The following LIPJ variants were observed in gnomAD, a reference collection of about 807,000 sequenced individuals.
LIPJ encodes lipase member J.
In LIPJ, 33 loss-of-function variants were observed where a neutral mutation model predicts 39.8. That is an observed-to-expected ratio of 0.83 (90% CI 0.63 to 1.11). The LOEUF is 1.11. LIPJ is among the 50% of genes least tolerant of loss of function. The pLI is 0.00. For synonymous variants in LIPJ, 128 were observed against 139.2 expected, an observed-to-expected ratio of 0.92 and a Z score of 0.57; for missense variants, 422 against 427.9, an observed-to-expected ratio of 0.99 and a Z score of 0.12.
rs553658489 is a variant in LIPJ, at chr10:88,595,692, A to G, written c.440-588A>G. Among the ~76,000 whole-genome samples, 9 of 151,676 alleles carry G rather than the reference A, an allele frequency of 5.9e-5. No individual in the cohort carries two copies. The South Asian group carries it at 6.2e-4, about 10-fold the overall frequency. On this transcript the variant is annotated intron_variant, in intron 6 of 10. Coordinates refer to ENST00000371939, the Ensembl canonical transcript of LIPJ. ...TTCTTTGGCTGTTTGGCTTCTCAGA[A>G]CCTGACCTAAATAAATAAATAATAA...
chr10:88,583,933 T>C (rs1291445692), upstream of LIPJ: 2 of 166,426 alleles, frequency 1.2e-5, no homozygotes, highest in Non-Finnish European at 2.5e-5. Flanking sequence ...AAGAGAAGGA[T>C]TGGTGCCATT....
At chr10:88,609,139 G>C (rs1230857962), downstream of LIPJ, among the ~76,000 whole-genome samples, 2 of 152,136 alleles carry the variant, frequency 1.3e-5, no homozygotes, top group South Asian at 2.1e-4. Context: ...CCAATTCTTT[G>C]TTCAAAATGC....
At chr10:88,608,360 A>C (rs1463727863), downstream of LIPJ, among the ~76,000 whole-genome samples, 2 of 152,242 alleles carry the variant, frequency 1.3e-5, no homozygotes, top group African/African-American at 2.4e-5. Context: ...CAGGGCCAGG[A>C]AATATATGGG....
At position 88,606,704 on chromosome 10, in the gene LIPJ, A is replaced by G. The variant is rs748969137; in HGVS notation, c.898A>G (p.Met300Val). The change falls in exon 11 of 11, where the codon ATG (methionine) becomes GTG (valine). Residue 300 changes from methionine (M) to valine (V), a missense_variant. Met to Val is a conservative substitution (Grantham distance 21). Coordinates refer to ENST00000371939, the Ensembl canonical transcript of LIPJ. Reference sequence around the variant, plus strand: ...GTCTCCATTATACAACATGACAAACATGAATGTGGCAACTGCAATTTGGAA... The same window carrying G: ...GTCTCCATTATACAACATGACAAACGTGAATGTGGCAACTGCAATTTGGAA... 9.3e-6 allele frequency: 15 copies of G among 1,612,840 alleles called. No homozygotes were observed. In the African/African-American group the frequency reaches 1.7e-4, roughly 19 times the overall value.
At chr10:88,592,156 C>A (rs1441214302) in intron 4 of LIPJ, 2 of 151,794 alleles carry the variant, frequency 1.3e-5, no homozygotes, top group African/African-American at 4.8e-5. Context: ...TAGAATGTTT[C>A]TTATATTATA....
At chr10:88,609,586 C>T (rs1851725209), downstream of LIPJ, among the ~76,000 whole-genome samples, 1 of 152,080 alleles carries the variant, frequency 6.6e-6, no homozygotes, top group Admixed American at 6.6e-5. Flanking sequence ...GCTAAAAACA[C>T]AATGAAGAAT....
intron 9 of LIPJ, among the ~76,000 whole-genome samples, chr10:88,604,147 A>G (rs1453739370): frequency 2.0e-5 from 3 of 152,232 alleles, no homozygotes; most frequent in Non-Finnish European, 2.9e-5. Context: ...AAGAGTAGGG[A>G]AAAGGTATTA....
chr10:88,583,676 A>G, upstream of LIPJ: 1 of 988,236 alleles, frequency 1.0e-6, no homozygotes, highest in Non-Finnish European at 1.2e-6. Context: ...CTAATGCTTG[A>G]ACGGCCACTA....
At chr10:88,601,776 C>T (rs541641289) in intron 8 of LIPJ, among the ~76,000 whole-genome samples, 2 of 152,278 alleles carry the variant, frequency 1.3e-5, no homozygotes, top group South Asian at 4.1e-4. Context: ...CTTGTTCTTA[C>T]ATGATACCTC....
upstream of LIPJ, among the ~76,000 whole-genome samples, chr10:88,584,685 C>T (rs1373241077): frequency 6.6e-6 from 1 of 152,150 alleles, no homozygotes; most frequent in Non-Finnish European, 1.5e-5. Context: ...GCAGCCTTGA[C>T]CTCTTAGGCT....
chr10:88,620,669 G>A, the LIPJ span, among the ~76,000 whole-genome samples: 1 of 152,178 alleles, frequency 6.6e-6, no homozygotes, highest in African/African-American at 2.4e-5. Context: ...ATGCATAGCA[G>A]CTGGAGCTCT....
At chr10:88,615,497 G>A in the LIPJ span, among the ~76,000 whole-genome samples, 1 of 151,462 alleles carries the variant, frequency 6.6e-6, no homozygotes, top group South Asian at 2.1e-4. Context: ...AGATTGCAGT[G>A]AGCCAAGATT....
chr10:88,583,646 T>G, upstream of LIPJ: 1 of 988,180 alleles, frequency 1.0e-6, no homozygotes, highest in Non-Finnish European at 1.2e-6. Flanking sequence ...TTACCAGCGA[T>G]ACCACGGGCA....
chr10:88,593,690 C>A (rs770210888), intron 4 of LIPJ: 8 of 301,048 alleles, frequency 2.7e-5, no homozygotes, highest in South Asian at 1.0e-4. Flanking sequence ...TTATTATTTT[C>A]TCTCAGTAAA....
At chr10:88,613,816 GTATATATA>G in the LIPJ span, among the ~76,000 whole-genome samples, 2 of 69,660 alleles carry the variant, frequency 2.9e-5, no homozygotes, top group African/African-American at 5.4e-5. Context: ...GTGTGTGTGT[GTATATATA>G]TATATGTGTG....
chr10:88,605,645 A>T, exon 10 of LIPJ: 1 of 1,608,702 alleles, frequency 6.2e-7, no homozygotes, highest in Non-Finnish European at 8.5e-7. Flanking sequence ...TTTAAATTCT[A>T]CTCATTTGAA....
the LIPJ span, among the ~76,000 whole-genome samples, chr10:88,618,027 G>T: frequency 6.6e-6 from 1 of 152,228 alleles, no homozygotes; most frequent in Middle Eastern, 3.4e-3. Flanking sequence ...AGAAAAAGTT[G>T]AGTTTGTCAT....
At chr10:88,596,474 C>A in intron 7 of LIPJ, 58 bp downstream of exon 7, 1 of 1,414,854 alleles carries the variant, frequency 7.1e-7, no homozygotes, top group South Asian at 1.7e-5. Flanking sequence ...TTTATGCTTT[C>A]AAATAAGAGA....
At chr10:88,617,240 C>T in the LIPJ span, among the ~76,000 whole-genome samples, 14 of 152,230 alleles carry the variant, frequency 9.2e-5, no homozygotes, top group South Asian at 6.2e-4. Flanking sequence ...CTCAGAATAA[C>T]TTACGGCAGT....
Sources: allele counts gnomAD v4.1 joint callset (sites outside exome capture counted in the v4.1 genomes callset), GRCh38; gene constraint gnomAD v4.1.1; transcripts MANE v1.5; gene names NCBI Gene and HGNC (gene_info 2026-07-23, HGNC 2026-07-21).